TXNRD1: variants seen among roughly 807,000 people sequenced by gnomAD.
TXNRD1 encodes the protein thioredoxin reductase 1, cytoplasmic.
Under a neutral mutation model 80.3 loss-of-function variants are expected in TXNRD1, and 57 were observed. The observed-to-expected ratio is 0.71, with a 90% CI of 0.57 to 0.89. TXNRD1 has a LOEUF of 0.89. Ranked by LOEUF, TXNRD1 falls within the 40% of genes least tolerant of loss-of-function variation. The pLI, the probability that TXNRD1 is intolerant of heterozygous loss-of-function variation, is 0.00. For synonymous variants in TXNRD1, 291 were observed against 285.2 expected, an observed-to-expected ratio of 1.02 and a Z score of -0.20; for missense variants, 730 against 803.0, an observed-to-expected ratio of 0.91 and a Z score of 1.10.
intron 1 of TXNRD1, among the ~76,000 whole-genome samples, chr12:104,250,695 A>C (rs886456414): frequency 1.3e-5 from 2 of 152,238 alleles, no homozygotes; most frequent in African/African-American, 4.8e-5. Flanking sequence ...AATATCAACT[A>C]TGAAGATGAT....
At chr12:104,275,547 C>A (rs377588055) in intron 3 of TXNRD1, among the ~76,000 whole-genome samples, 17 of 151,952 alleles carry the variant, frequency 1.1e-4, no homozygotes, top group African/African-American at 4.1e-4. Context: ...CCATGCCTGG[C>A]TAATTTTGTA....
chr12:104,325,003 A>C (rs1223548453), intron 10 of TXNRD1, among the ~76,000 whole-genome samples: 1 of 152,200 alleles, frequency 6.6e-6, no homozygotes, highest in East Asian at 1.9e-4. Flanking sequence ...GAATCACAAG[A>C]TAGAAACCTG....
rs556288901 is a variant in TXNRD1 at position 104,256,316 on chromosome 12, C to G, written c.244-1703C>G. On this transcript the variant is annotated intron_variant, in intron 2 of 16. Transcript: ENST00000525566. ...CCGCTCTTGCATAACACATTAGTTA[C>G]CATATGTGTTTTGCGTGCATCTTGC... is the stretch of plus-strand genomic sequence containing the variant. Among the ~76,000 whole-genome samples, 4 of 152,212 alleles carry G rather than the reference C, an allele frequency of 2.6e-5. No homozygotes were observed. The South Asian group carries it at 8.3e-4, about 32-fold the overall frequency.
intron 1 of TXNRD1, among the ~76,000 whole-genome samples, chr12:104,246,055 G>A (rs530534108): frequency 6.7e-6 from 1 of 148,294 alleles, no homozygotes; most frequent in South Asian, 2.1e-4. Context: ...GGAGCTTGCA[G>A]TGAGCTGAGA....
intron 4 of TXNRD1, chr12:104,310,016 CCTT>C (rs1281372120): frequency 7.8e-6 from 12 of 1,536,130 alleles, no homozygotes; most frequent in Middle Eastern, 1.7e-4. Context: ...ATCCCAAGAA[CCTT>C]CTTCTTCCGC....
intron 1 of TXNRD1, among the ~76,000 whole-genome samples, chr12:104,219,236 A>T (rs975674130): frequency 6.6e-6 from 1 of 152,186 alleles, no homozygotes. Context: ...CATATTATAC[A>T]TAACTATTGA....
At chr12:104,230,888 CT>C (rs2032606903) in intron 1 of TXNRD1, among the ~76,000 whole-genome samples, 1 of 152,176 alleles carries the variant, frequency 6.6e-6, no homozygotes, top group African/African-American at 2.4e-5. Flanking sequence ...CCCTCACACC[CT>C]AGCCTTTTAA....
At chr12:104,315,306 A>G (rs2035286124) in intron 6 of TXNRD1, among the ~76,000 whole-genome samples, 1 of 152,224 alleles carries the variant, frequency 6.6e-6, no homozygotes, top group South Asian at 2.1e-4. Flanking sequence ...ATTAACCTAC[A>G]GTTGGGCAAA....
At chr12:104,321,695 G>A (rs1565901997) in intron 10 of TXNRD1, among the ~76,000 whole-genome samples, 1 of 152,124 alleles carries the variant, frequency 6.6e-6, no homozygotes, top group African/African-American at 2.4e-5. Flanking sequence ...GCTCCCCACA[G>A]GACATTTCCC....
At chr12:104,271,457 A>T (rs529434585) in intron 3 of TXNRD1, among the ~76,000 whole-genome samples, 5 of 152,086 alleles carry the variant, frequency 3.3e-5, no homozygotes, top group Non-Finnish European at 7.4e-5. Context: ...GATTACAGGC[A>T]TGAGCCACCA....
intron 1 of TXNRD1, among the ~76,000 whole-genome samples, chr12:104,248,536 C>G (rs949945763): frequency 6.6e-5 from 10 of 152,176 alleles, no homozygotes; most frequent in African/African-American, 2.4e-4. Context: ...CCAACTGCAT[C>G]GCCTCCCAAA....
At chr12:104,235,740 A>G (rs1346829286) in intron 1 of TXNRD1, among the ~76,000 whole-genome samples, 1 of 152,244 alleles carries the variant, frequency 6.6e-6, no homozygotes, top group African/African-American at 2.4e-5. Context: ...CCAGAAACCC[A>G]TAAGCCTGCT....
Position 104,334,351 on chromosome 12 carries a change from C to A in TXNRD1, c.1746+19C>A. 7.5e-7 allele frequency: 1 copy of A among 1,326,958 alleles called. No homozygotes were observed. The highest frequency in any genetic ancestry group is 2.8e-5 in the East Asian group (1 of 36,200). 82.2% of individuals were successfully genotyped at this position (1,326,958 alleles called of 1,614,324 possible). A position where few individuals can be genotyped will look rare whatever the true frequency, so the allele number is the denominator to read the frequency against. On this transcript the variant is annotated intron_variant, in intron 15 of 16. Transcript: ENST00000525566. ...AGACAATGTAAGTTTAATTCTCAAT[C>A]CTTTCCAGTAATTTTATTTAGTTGT...
chr12:104,297,290 AG>A (rs2034466285), intron 4 of TXNRD1, among the ~76,000 whole-genome samples: 1 of 147,674 alleles, frequency 6.8e-6, no homozygotes, highest in African/African-American at 2.5e-5. Flanking sequence ...GGGCAACAAG[AG>A]TGAAACTCCA....
chr12:104,263,181 T>C (rs1322075294), intron 3 of TXNRD1, among the ~76,000 whole-genome samples: 6 of 152,154 alleles, frequency 3.9e-5, no homozygotes, highest in Non-Finnish European at 8.8e-5. Flanking sequence ...CTCATGCATG[T>C]TCTCCTATTT....
chr12:104,249,684 T>C (rs555554375), intron 1 of TXNRD1, among the ~76,000 whole-genome samples: 107 of 152,114 alleles, frequency 7.0e-4, no homozygotes, highest in Non-Finnish European at 1.0e-3. Flanking sequence ...GCCTGTAATC[T>C]TAGCACTTTG....
At chr12:104,234,638 G>GGAA (rs1555205989) in intron 1 of TXNRD1, among the ~76,000 whole-genome samples, 4 of 125,926 alleles carry the variant, frequency 3.2e-5, no homozygotes, top group Non-Finnish European at 6.4e-5. Context: ...TAAAGTCAGG[G>GGAA]AAAAAAAAAA....
At chr12:104,290,357 T>G (rs1437745376) in intron 4 of TXNRD1, among the ~76,000 whole-genome samples, 1 of 152,052 alleles carries the variant, frequency 6.6e-6, no homozygotes, top group Non-Finnish European at 1.5e-5. Flanking sequence ...TACTCAGACC[T>G]TTAGTTTGCA....
intron 3 of TXNRD1, among the ~76,000 whole-genome samples, chr12:104,282,581 T>C (rs1197206948): frequency 2.6e-5 from 4 of 151,710 alleles, no homozygotes; most frequent in Non-Finnish European, 4.4e-5. Flanking sequence ...CCCTACTTTA[T>C]TCTTCTTCAA....
Sources: gnomAD v4.1 joint callset for allele counts (sites outside exome capture counted in the v4.1 genomes callset) on GRCh38, gnomAD v4.1.1 for gene constraint, MANE v1.5 for transcripts, NCBI Gene and HGNC (gene_info 2026-07-23, HGNC 2026-07-21) for gene names.